The following HERC3 variants were observed in gnomAD, a reference collection of about 807,000 sequenced individuals.
HERC3 encodes the protein probable E3 ubiquitin-protein ligase HERC3.
HERC3 carries 58 observed loss-of-function variants against 129.9 expected under a neutral mutation model. The observed-to-expected ratio is 0.45, with a 90% CI of 0.36 to 0.56. HERC3 has a LOEUF of 0.56. HERC3 is among the 20% of genes least tolerant of loss of function. The probability of loss-of-function intolerance (pLI) is 0.00; values close to 1 mark genes in which losing one functional copy is unlikely to be tolerated. For synonymous variants in HERC3, 430 were observed against 451.0 expected (o/e 0.95, Z 0.59); for missense variants, 835 against 1,244.2 (o/e 0.67, Z 4.95).
At chr4:88,626,646 G>T (rs1189652845) in intron 3 of HERC3, among the ~76,000 whole-genome samples, 1 of 151,902 alleles carries the variant, frequency 6.6e-6, no homozygotes, top group Non-Finnish European at 1.5e-5. Context: ...CTTAGGTGAG[G>T]TTTCTTAGTT....
At chr4:88,697,269 C>T in intron 23 of HERC3, 1 of 1,581,352 alleles carries the variant, frequency 6.3e-7, no homozygotes, top group South Asian at 1.2e-5. Context: ...CCGCGGCAGC[C>T]TCTGCCGCAG....
intron 6 of HERC3, 53 bp from the exon 7 acceptor site, chr4:88,653,989 A>G: frequency 3.0e-6 from 4 of 1,313,064 alleles, no homozygotes; most frequent in Non-Finnish European, 4.4e-6. Context: ...AGTTGTGTAT[A>G]TTTCATCTCA....
intron 3 of HERC3, among the ~76,000 whole-genome samples, chr4:88,625,202 G>A (rs1362195643): frequency 6.6e-6 from 1 of 152,094 alleles, no homozygotes; most frequent in Non-Finnish European, 1.5e-5. Context: ...GATTTTGCAT[G>A]TAAGAGCAGC....
At chr4:88,689,349 T>TA (rs143398618) in intron 23 of HERC3, among the ~76,000 whole-genome samples, 6,220 of 121,052 alleles carry the variant, frequency 0.051, 243 homozygotes, top group African/African-American at 0.12. Flanking sequence ...TACAAAAAAG[T>TA]AAAAAAAAAA....
the HERC3 span, among the ~76,000 whole-genome samples, chr4:88,572,304 T>C: frequency 6.6e-6 from 1 of 152,052 alleles, no homozygotes; most frequent in African/African-American, 2.4e-5. Context: ...GGCACCCACC[T>C]GTAGTCCCAG....
chr4:88,705,240 A>T lies in HERC3; in HGVS notation c.2944+630A>T, dbSNP rs2924350. Among the ~76,000 whole-genome samples, 25 of 152,202 alleles carry T rather than the reference A, an allele frequency of 1.6e-4. No homozygotes were observed. In the Middle Eastern group the frequency reaches 0.01, roughly 62 times the overall value. ...TTCAAGTATTCCATTTATGAAGTCA[A>T]ATTGTTTGGATTAACCTCTCTTATC... On this transcript the variant is annotated intron_variant, in intron 25 of 25. Coordinates refer to ENST00000402738, the MANE Select transcript of HERC3 (RefSeq NM_014606.3).
At chr4:88,536,462 C>A in the HERC3 span, among the ~76,000 whole-genome samples, 4 of 152,154 alleles carry the variant, frequency 2.6e-5, no homozygotes, top group African/African-American at 9.7e-5. Flanking sequence ...GACACATACT[C>A]ACTCACTCAC....
At chr4:88,550,982 A>G in the HERC3 span, among the ~76,000 whole-genome samples, 694 of 148,762 alleles carry the variant, frequency 4.7e-3, 12 homozygotes, top group African/African-American at 0.016. Context: ...ATAATGCCGC[A>G]TATCTACAAC....
chr4:88,533,411 C>T, the HERC3 span, among the ~76,000 whole-genome samples: 1 of 152,122 alleles, frequency 6.6e-6, no homozygotes, highest in Admixed American at 6.5e-5. Flanking sequence ...ATCAAGTTGA[C>T]ACATTATTAA....
the HERC3 span, among the ~76,000 whole-genome samples, chr4:88,545,597 T>G: frequency 1.3e-5 from 2 of 151,980 alleles, no homozygotes; most frequent in African/African-American, 2.4e-5. Flanking sequence ...ATGAGAATTT[T>G]TTTTCTTTTT....
At chr4:88,586,597 G>T in the HERC3 span, among the ~76,000 whole-genome samples, 389 of 152,178 alleles carry the variant, frequency 2.6e-3, 3 homozygotes, top group African/African-American at 8.9e-3. Context: ...AACCTCAGGT[G>T]ATCCACCCGC....
At chr4:88,610,756 C>T (rs777447238) in intron 3 of HERC3, among the ~76,000 whole-genome samples, 9 of 152,162 alleles carry the variant, frequency 5.9e-5, no homozygotes, top group South Asian at 2.1e-4. Context: ...GCAAAAACCT[C>T]GCAGAACAAT....
chr4:88,585,068 C>A, the HERC3 span, among the ~76,000 whole-genome samples: 29 of 152,288 alleles, frequency 1.9e-4, no homozygotes, highest in Non-Finnish European at 2.9e-4. Context: ...GGGTAAGGAC[C>A]TTTTGCTGGT....
chr4:88,583,612 A>T, the HERC3 span: 1 of 152,214 alleles, frequency 6.6e-6, no homozygotes, highest in Non-Finnish European at 1.5e-5. Context: ...AATCTTATAA[A>T]TCTACATGCT....
upstream of HERC3, among the ~76,000 whole-genome samples, chr4:88,588,051 A>C (rs745549519): frequency 4.6e-5 from 7 of 152,280 alleles, no homozygotes; most frequent in Non-Finnish European, 7.3e-5. Flanking sequence ...TCAACCATCC[A>C]ATCCTGTTAT....
At chr4:88,621,004 T>C (rs1262834714) in intron 3 of HERC3, among the ~76,000 whole-genome samples, 1 of 152,194 alleles carries the variant, frequency 6.6e-6, no homozygotes, top group Non-Finnish European at 1.5e-5. Context: ...TCACAATCAA[T>C]ACCTCTCTTA....
chr4:88,550,823 C>T, the HERC3 span, among the ~76,000 whole-genome samples: 1 of 151,734 alleles, frequency 6.6e-6, no homozygotes, highest in Admixed American at 6.6e-5. Flanking sequence ...GCCTGCATTG[C>T]CAAGTCAATC....
intron 3 of HERC3, among the ~76,000 whole-genome samples, chr4:88,611,855 G>T (rs941047831): frequency 1.3e-5 from 2 of 152,316 alleles, no homozygotes; most frequent in Non-Finnish European, 2.9e-5. Flanking sequence ...GTCTGGAGGA[G>T]AATTTATTTC....
At chr4:88,691,453 C>T (rs1010932704) in intron 23 of HERC3, among the ~76,000 whole-genome samples, 4 of 152,184 alleles carry the variant, frequency 2.6e-5, no homozygotes, top group Admixed American at 6.5e-5. Context: ...GATTAGGCTG[C>T]CAGCATGGTT....
Sources: gnomAD v4.1 joint callset for allele counts (sites outside exome capture counted in the v4.1 genomes callset) on GRCh38, gnomAD v4.1.1 for gene constraint, MANE v1.5 for transcripts, NCBI Gene and HGNC (gene_info 2026-07-23, HGNC 2026-07-21) for gene names.